DTNA: variants seen among roughly 807,000 people sequenced by gnomAD.
DTNA encodes the protein dystrophin-related protein 3.
DTNA carries 43 observed loss-of-function variants against 100.7 expected under a neutral mutation model. The ratio of observed to expected loss-of-function variants is 0.43; its 90% CI spans 0.33 to 0.55. The LOEUF is 0.55. DTNA is among the 20% of genes least tolerant of loss of function. The pLI is 0.04. For missense variants in DTNA, 798 were observed against 953.9 expected (o/e 0.84, Z 2.15); for synonymous variants, 349 against 347.9 (o/e 1.00, Z -0.04).
chr18:34,780,955 A>G (rs1009396966), intron 3 of DTNA, among the ~76,000 whole-genome samples: 4 of 152,194 alleles, frequency 2.6e-5, no homozygotes, highest in Non-Finnish European at 5.9e-5. Context: ...TGCCTACAGG[A>G]GTTAATGTCC....
intron 1 of DTNA, among the ~76,000 whole-genome samples, chr18:34,654,829 C>T (rs1043424242): frequency 5.9e-5 from 9 of 151,942 alleles, no homozygotes; most frequent in African/African-American, 2.2e-4. Flanking sequence ...TGGGTTCAAG[C>T]GATTCTCCTG....
At chr18:34,509,020 CTTCT>C (rs1316619038) in intron 1 of DTNA, among the ~76,000 whole-genome samples, 1 of 151,948 alleles carries the variant, frequency 6.6e-6, no homozygotes, top group Non-Finnish European at 1.5e-5. Flanking sequence ...CTTTTTATTC[CTTCT>C]GTTTCATTTG....
chr18:34,870,068 CT>C (rs1179461483), intron 17 of DTNA, among the ~76,000 whole-genome samples: 5 of 152,222 alleles, frequency 3.3e-5, no homozygotes, highest in Non-Finnish European at 7.3e-5. Context: ...ATTTGCAGGA[CT>C]TTTTTTCAGA....
At chr18:34,661,360 G>A (rs113794963) in intron 1 of DTNA, among the ~76,000 whole-genome samples, 9,079 of 152,256 alleles carry the variant, frequency 0.06, 328 homozygotes, top group Non-Finnish European at 0.075. Flanking sequence ...CCTTCCAGCT[G>A]CAGTATGTAT....
At chr18:34,792,518 G>C (rs1171244178) in intron 3 of DTNA, among the ~76,000 whole-genome samples, 1 of 152,092 alleles carries the variant, frequency 6.6e-6, no homozygotes, top group African/African-American at 2.4e-5. Context: ...GAGCAATGAG[G>C]TAGAAGACAA....
intron 13 of DTNA, 129 bp from the exon 14 acceptor site, chr18:34,848,167 C>A: frequency 1.2e-6 from 1 of 805,204 alleles, no homozygotes; most frequent in Non-Finnish European, 2.1e-6. Context: ...GTTATTCTAA[C>A]AGGGTTTTGT....
intron 11 of DTNA, among the ~76,000 whole-genome samples, chr18:34,832,109 T>G (rs185818893): frequency 1.8e-4 from 27 of 152,374 alleles, no homozygotes; most frequent in Admixed American, 8.5e-4. Context: ...TGGATACTGA[T>G]TGTAGCCTCT....
intron 1 of DTNA, among the ~76,000 whole-genome samples, chr18:34,598,906 A>G (rs866320452): frequency 9.2e-5 from 14 of 152,168 alleles, no homozygotes; most frequent in African/African-American, 3.1e-4. Flanking sequence ...TTTGAATATC[A>G]TCTTTCTAAA....
At chr18:34,843,836 A>C (rs1198143579) in intron 13 of DTNA, among the ~76,000 whole-genome samples, 1 of 151,612 alleles carries the variant, frequency 6.6e-6, no homozygotes, top group Non-Finnish European at 1.5e-5. Context: ...GATTTGACTG[A>C]CTCTTTTTAG....
Position 34,586,019 on chromosome 18 carries a change from A to G in DTNA, c.-2+92505A>G, listed in dbSNP as rs992536303. On this transcript the variant is annotated intron_variant, in intron 1 of 19. Transcript: ENST00000283365. ...CTGGAGTCCCCACAGGGACTGCCTCATGGAGGAGGGGGCTGAAGAAATGGG... is the reference window on the plus strand; with the variant it reads ...CTGGAGTCCCCACAGGGACTGCCTCGTGGAGGAGGGGGCTGAAGAAATGGG... Among the ~76,000 whole-genome samples the G allele has an allele frequency of 3.3e-5, 5 of 152,300 alleles. No individual in the cohort carries two copies. The East Asian group carries it at 9.7e-4, about 29-fold the overall frequency.
At chr18:34,530,146 C>T (rs1266902375) in intron 1 of DTNA, among the ~76,000 whole-genome samples, 2 of 152,048 alleles carry the variant, frequency 1.3e-5, no homozygotes, top group Non-Finnish European at 2.9e-5. Context: ...ATGAGCTGGT[C>T]AGGCAGCCCA....
chr18:34,799,416 A>G (rs2095119752), intron 4 of DTNA, among the ~76,000 whole-genome samples: 1 of 152,238 alleles, frequency 6.6e-6, no homozygotes, highest in African/African-American at 2.4e-5. Context: ...AAAATGTACT[A>G]CAAAGTACAC....
intron 3 of DTNA, among the ~76,000 whole-genome samples, chr18:34,782,390 G>T (rs1202076615): frequency 6.6e-6 from 1 of 152,118 alleles, no homozygotes; most frequent in African/African-American, 2.4e-5. Flanking sequence ...TTTATATTAA[G>T]TGGAATTTAT....
At chr18:34,870,506 C>CA (rs753707044) in intron 17 of DTNA, among the ~76,000 whole-genome samples, 6 of 152,128 alleles carry the variant, frequency 3.9e-5, no homozygotes, top group Non-Finnish European at 7.4e-5. Context: ...GTCTAGTGTT[C>CA]AAAAACATAC....
chr18:34,687,364 G>A (rs536365918), intron 1 of DTNA, among the ~76,000 whole-genome samples: 1 of 152,264 alleles, frequency 6.6e-6, no homozygotes, highest in South Asian at 2.1e-4. Context: ...TGGTTTCAAA[G>A]AACATCTTTA....
intron 1 of DTNA, among the ~76,000 whole-genome samples, chr18:34,609,642 C>CT (rs2053845760): frequency 6.6e-6 from 1 of 152,118 alleles, no homozygotes; most frequent in Non-Finnish European, 1.5e-5. Context: ...TTTGTTTTGA[C>CT]TCATACCTTT....
At chr18:34,642,251 G>T (rs185921696) in intron 1 of DTNA, among the ~76,000 whole-genome samples, 1 of 152,236 alleles carries the variant, frequency 6.6e-6, no homozygotes. Flanking sequence ...TAAGGCACTT[G>T]GGAGCTGCAC....
chr18:34,568,039 G>T (rs2047240536), intron 1 of DTNA, among the ~76,000 whole-genome samples: 1 of 151,954 alleles, frequency 6.6e-6, no homozygotes, highest in South Asian at 2.1e-4. Context: ...GAAAAAAAAT[G>T]AATATTGTTT....
chr18:34,753,826 A>G (rs961871925), intron 1 of DTNA, among the ~76,000 whole-genome samples: 1 of 152,156 alleles, frequency 6.6e-6, no homozygotes, highest in Non-Finnish European at 1.5e-5. Context: ...TATTCATACT[A>G]TTTTGTGAAA....
Sources: allele counts gnomAD v4.1 joint callset (sites outside exome capture counted in the v4.1 genomes callset), GRCh38; gene constraint gnomAD v4.1.1; transcripts MANE v1.5; gene names NCBI Gene and HGNC (gene_info 2026-07-23, HGNC 2026-07-21).